The following POLR1F variants were observed in gnomAD, a reference collection of about 807,000 sequenced individuals.
POLR1F encodes the protein DNA-directed RNA polymerase I subunit RPA43.
Under a neutral mutation model 21.8 loss-of-function variants are expected in POLR1F, and 23 were observed. That is an observed-to-expected ratio of 1.05 (90% CI 0.76 to 1.49). The LOEUF (loss-of-function observed/expected upper bound fraction) is 1.49, where lower values mean the gene tolerates loss of function less well. Ranked by LOEUF, POLR1F falls within the 40% of genes most tolerant of loss-of-function variation. The pLI is 0.00. For synonymous variants in POLR1F, 162 were observed against 152.8 expected (o/e 1.06, Z -0.45); for missense variants, 435 against 412.1 (o/e 1.06, Z -0.48).
Position 19,704,786 on chromosome 7 carries a change from T to C in POLR1F, c.389A>G (p.Lys130Arg), listed in dbSNP as rs138859678. 245 of 1,596,892 alleles carry C rather than the reference T, an allele frequency of 1.5e-4. No homozygotes were observed. The highest frequency in any genetic ancestry group is 1.0e-3 in the Middle Eastern group (6 of 5,794). The change falls in exon 2 of 4, where the codon AAG becomes AGG. Residue 130 changes from lysine to arginine, a missense_variant. Coordinates refer to ENST00000222567, the MANE Select transcript of POLR1F (RefSeq NM_001002926.2). ...FVIFCPEPGQ[K>R]LMGIVNKVSS... The stretch of plus-strand genomic sequence containing the variant: ...AAAAAGTGATACACATACCATAAGC[T>C]TCTGCCCTGGTTCAGGGCAGAAAAT...
intron 2 of POLR1F, among the ~76,000 whole-genome samples, chr7:19,701,302 C>T (rs1397998268): frequency 6.6e-6 from 1 of 152,192 alleles, no homozygotes; most frequent in Admixed American, 6.5e-5. Context: ...AGGATACATA[C>T]TCTATTCTTC....
Position 19,698,423 on chromosome 7 carries a change from T to C in POLR1F, c.910A>G (p.Ser304Gly), listed in dbSNP as rs371600612. The C allele has an allele frequency of 6.2e-6, 10 of 1,611,052 alleles. No homozygotes were observed. Among genetic ancestry groups the C allele is most frequent in the Non-Finnish European group, 7.6e-6 (9 of 1,179,138 alleles). Residue 304 changes from serine (S) to glycine (G), a missense_variant, in exon 4 of 4, where the codon AGT becomes GGT. By Grantham distance (56) the Ser-to-Gly change is moderately conservative. Transcript: ENST00000222567. The part of the protein sequence containing the change: ...FQGSDSSGYQ[S>G]DHKKKKKKRK... ...TTCTTTTTTTTCTTTTTATGGTCAC[T>C]TTGGTAACCACTGGAGTCACTGCCT... is the stretch of plus-strand genomic sequence containing the variant.
Position 19,698,689 on chromosome 7 carries a change from G to A in POLR1F, c.644C>T (p.Thr215Ile), listed in dbSNP as rs748929480. Residue 215 changes from threonine (T) to isoleucine (I), a missense_variant, in exon 4 of 4, where the codon ACA (threonine) becomes ATA (isoleucine). Transcript: ENST00000222567. ...AGCAGCTTCCTCAGTGCCATTTTCT[G>A]TAACTTCTTCAGAAACTTCAGAGCG... ...FKRSEVSEEV[T>I]ENGTEEAAKK... is the part of the protein sequence containing the mutation. The A allele has an allele frequency of 1.3e-6, 2 of 1,564,582 alleles. No individual in the cohort carries two copies. Among genetic ancestry groups the A allele is most frequent in the Middle Eastern group, 1.7e-4 (1 of 5,826 alleles).
chr7:19,707,925 T>G (rs1783553903), intron 1 of POLR1F, among the ~76,000 whole-genome samples: 1 of 152,136 alleles, frequency 6.6e-6, no homozygotes, highest in South Asian at 2.1e-4. Flanking sequence ...CCCAAGGAAC[T>G]TCACATAGGA....
chr7:19,697,835 C>G lies in POLR1F; in HGVS notation c.*481G>C, dbSNP rs1049813149. On this transcript the variant is annotated 3_prime_UTR_variant, in exon 4 of 4. Coordinates refer to ENST00000222567, the MANE Select transcript of POLR1F (RefSeq NM_001002926.2). Reference sequence around the variant, plus strand: ...TATTTTATGTTAAACAATAGAAATACTGTAGAAAGCCATGATAAAGGAAAA... The same window carrying G: ...TATTTTATGTTAAACAATAGAAATAGTGTAGAAAGCCATGATAAAGGAAAA... The G allele has an allele frequency of 6.6e-6, 1 of 152,406 alleles. No homozygotes were observed. The highest frequency in any genetic ancestry group is 2.4e-5 in the African/African-American group (1 of 41,428). 9.4% of individuals were successfully genotyped at this position (152,406 alleles called of 1,614,324 possible).
chr7:19,707,863 G>A (rs1562597473), intron 1 of POLR1F, among the ~76,000 whole-genome samples: 1 of 152,124 alleles, frequency 6.6e-6, no homozygotes, highest in Non-Finnish European at 1.5e-5. Context: ...TTCTAGACAT[G>A]GGTGGAGGTC....
chr7:19,708,382 A>G (rs1489330853), intron 1 of POLR1F, among the ~76,000 whole-genome samples: 1 of 152,178 alleles, frequency 6.6e-6, no homozygotes, highest in Non-Finnish European at 1.5e-5. Flanking sequence ...CCAGATTTTT[A>G]TCGTCAAATG....
chr7:19,707,729 A>G (rs1004093384), intron 1 of POLR1F, among the ~76,000 whole-genome samples: 2 of 152,134 alleles, frequency 1.3e-5, no homozygotes, highest in African/African-American at 4.8e-5. Flanking sequence ...TTGTATTTGT[A>G]TCTCTCCTAC....
At chr7:19,703,156 T>C (rs971242594) in intron 2 of POLR1F, among the ~76,000 whole-genome samples, 4 of 152,088 alleles carry the variant, frequency 2.6e-5, no homozygotes, top group African/African-American at 4.8e-5. Context: ...AAACTACCAA[T>C]ACACACAACA....
intron 1 of POLR1F, among the ~76,000 whole-genome samples, chr7:19,706,047 C>T (rs1038806547): frequency 2.0e-5 from 3 of 152,138 alleles, no homozygotes; most frequent in African/African-American, 7.2e-5. Flanking sequence ...TCACACATGA[C>T]TCTAAGGCCT....
chr7:19,703,983 G>A (rs1783483296), intron 2 of POLR1F, among the ~76,000 whole-genome samples: 1 of 152,150 alleles, frequency 6.6e-6, no homozygotes, highest in Non-Finnish European at 1.5e-5. Context: ...GCCAACTTTA[G>A]TAGTCCAGTT....
chr7:19,704,772 C>T lies in POLR1F; in HGVS notation c.396+7G>A. 1 of 1,584,282 alleles carries T rather than the reference C, an allele frequency of 6.3e-7. No homozygotes were observed. The highest frequency in any genetic ancestry group is 8.5e-7 in the Non-Finnish European group (1 of 1,171,892). On this transcript the variant is annotated splice_region_variant and intron_variant, in intron 2 of 3. Coordinates refer to ENST00000222567, the MANE Select transcript of POLR1F (RefSeq NM_001002926.2). ...CAAAGGGAGCTAGAAAAAAGTGATA[C>T]ACATACCATAAGCTTCTGCCCTGGT...
In POLR1F at chr7:19,696,683, T is replaced by C. The variant is rs945052958; in HGVS notation, c.*1633A>G. The C allele has an allele frequency of 6.6e-6, 1 of 152,056 alleles. No homozygotes were observed. Among genetic ancestry groups the C allele is most frequent in the African/African-American group, 2.4e-5 (1 of 41,436 alleles). The allele number at this position is 152,056 out of a possible 1,614,324, so 9.4% of individuals were successfully genotyped here. Reference sequence around the variant, plus strand: ...AGCACTGACCAAAAGAAAGTTAACATGAGCTTCATGTACAATTTTTAATCT... The same window carrying C: ...AGCACTGACCAAAAGAAAGTTAACACGAGCTTCATGTACAATTTTTAATCT... On this transcript the variant is annotated 3_prime_UTR_variant, in exon 4 of 4. Coordinates refer to ENST00000222567, the MANE Select transcript of POLR1F (RefSeq NM_001002926.2).
At chr7:19,701,443 C>T (rs1056239478) in intron 2 of POLR1F, among the ~76,000 whole-genome samples, 9 of 151,990 alleles carry the variant, frequency 5.9e-5, no homozygotes, top group Non-Finnish European at 1.2e-4. Flanking sequence ...ATAACTATTC[C>T]GTATCATACT....
chr7:19,700,279 C>G lies in POLR1F; in HGVS notation c.398G>C (p.Gly133Ala). Residue 133 changes from glycine to alanine, a missense_variant and splice_region_variant, in exon 3 of 4, where the codon GGT becomes GCT. Coordinates refer to ENST00000222567, the MANE Select transcript of POLR1F (RefSeq NM_001002926.2). ...FCPEPGQKLM[G>A]IVNKVSSSHI... ...GCTAGAAGACACTTTATTAACTATA[C>G]CCTGGGAAGAAGAAGGAAGAAAGAG... is the stretch of plus-strand genomic sequence containing the variant. The G allele has an allele frequency of 6.2e-7, 1 of 1,612,200 alleles. No homozygotes were observed. Among genetic ancestry groups the G allele is most frequent in the South Asian group, 1.1e-5 (1 of 91,008 alleles).
intron 3 of POLR1F, among the ~76,000 whole-genome samples, chr7:19,699,544 TAGC>T (rs1355856851): frequency 3.3e-5 from 5 of 152,238 alleles, no homozygotes; most frequent in African/African-American, 1.2e-4. Flanking sequence ...TTATTAGCAA[TAGC>T]AGCATTTTAA....
chr7:19,697,223 A>G lies in POLR1F; in HGVS notation c.*1093T>C, dbSNP rs1157260441. The G allele has an allele frequency of 1.3e-5, 2 of 152,106 alleles. No homozygotes were observed. The highest frequency in any genetic ancestry group is 2.9e-5 in the Non-Finnish European group (2 of 67,954). The allele number at this position is 152,106 out of a possible 1,614,324, so 9.4% of individuals were successfully genotyped here. A position where few individuals can be genotyped will look rare whatever the true frequency, so the allele number is the denominator to read the frequency against. On this transcript the variant is annotated 3_prime_UTR_variant, in exon 4 of 4. Transcript: ENST00000222567. ...TTTCATACCACTTAATACAATTATT[A>G]ATTTTCTTATTTATTGTGTGTATAT...
rs369950008 is a variant in POLR1F, at chr7:19,708,986, G to A, written c.31C>T (p.Pro11Ser). 18 of 1,595,210 alleles carry A rather than the reference G, an allele frequency of 1.1e-5. No individual in the cohort carries two copies. The highest frequency in any genetic ancestry group is 1.7e-5 in the Admixed American group (1 of 59,438). MAAGCSEAPR[P>S]AAASDGSLVG... ...AGAGACCCATCAGAAGCCGCCGCTG[G>A]CCGCGGCGCCTCTGAGCAACCTGCA... is the stretch of plus-strand genomic sequence containing the variant. The change falls in exon 1 of 4, where the codon CCA (proline) becomes TCA (serine). Residue 11 changes from proline (P) to serine (S), a missense_variant. Pro to Ser is a moderately conservative substitution (Grantham distance 74, BLOSUM62 -1). Coordinates refer to ENST00000222567, the MANE Select transcript of POLR1F (RefSeq NM_001002926.2).
Position 19,708,747 on chromosome 7 carries a change from G to A in POLR1F, c.254+16C>T, listed in dbSNP as rs376483843. 1.8e-5 allele frequency: 28 copies of A among 1,594,386 alleles called. No homozygotes were observed. Among genetic ancestry groups the A allele is most frequent in the African/African-American group, 2.7e-5 (2 of 74,568 alleles). ...TTCCCGTGCACAAAAGAAGGAACAGGCAAAGAGATCGGTACCTCTCAGAAT... is the reference window on the plus strand; with the variant it reads ...TTCCCGTGCACAAAAGAAGGAACAGACAAAGAGATCGGTACCTCTCAGAAT... On this transcript the variant is annotated intron_variant, in intron 1 of 3. Transcript: ENST00000222567.
Sources: gnomAD v4.1 joint callset for allele counts (sites outside exome capture counted in the v4.1 genomes callset) on GRCh38, gnomAD v4.1.1 for gene constraint, MANE v1.5 for transcripts, NCBI Gene and HGNC (gene_info 2026-07-23, HGNC 2026-07-21) for gene names.